Variants in EBF2 observed in about 807,000 individuals in gnomAD.
The protein encoded by EBF2 is EBF transcription factor 2.
Under a neutral mutation model 72.8 loss-of-function variants are expected in EBF2, and 21 were observed. That is an observed-to-expected ratio of 0.29 (90% CI 0.20 to 0.42). EBF2 has a LOEUF of 0.42. Ranked by LOEUF, EBF2 falls within the 10% of genes least tolerant of loss-of-function variation. The pLI is 1.00. For missense variants in EBF2, 637 were observed against 731.2 expected, an observed-to-expected ratio of 0.87 and a Z score of 1.49; for synonymous variants, 299 against 274.2, an observed-to-expected ratio of 1.09 and a Z score of -0.89.
intron 6 of EBF2, among the ~76,000 whole-genome samples, chr8:25,985,529 G>A (rs916998387): frequency 9.9e-5 from 15 of 152,092 alleles, no homozygotes; most frequent in African/African-American, 2.2e-4. Flanking sequence ...TGTGGCCTTC[G>A]GTAAGTCACT....
intron 7 of EBF2, among the ~76,000 whole-genome samples, chr8:25,892,513 G>C (rs1802802196): frequency 6.6e-6 from 1 of 152,142 alleles, no homozygotes; most frequent in African/African-American, 2.4e-5. Context: ...AAGTCATCTT[G>C]TGTTCCCTCC....
At chr8:25,993,542 C>A (rs1360299358) in intron 6 of EBF2, among the ~76,000 whole-genome samples, 1 of 152,164 alleles carries the variant, frequency 6.6e-6, no homozygotes, top group East Asian at 1.9e-4. Flanking sequence ...CTTTTTATGT[C>A]TTTGTAAGAG....
At chr8:25,865,442 T>C (rs900905924) in intron 10 of EBF2, among the ~76,000 whole-genome samples, 2 of 152,222 alleles carry the variant, frequency 1.3e-5, no homozygotes, top group African/African-American at 4.8e-5. Context: ...ATGAAGACAA[T>C]CAGCTTTAGA....
At chr8:25,879,482 T>C (rs1802570973) in intron 10 of EBF2, among the ~76,000 whole-genome samples, 1 of 152,164 alleles carries the variant, frequency 6.6e-6, no homozygotes, top group South Asian at 2.1e-4. Context: ...ATTCCTGCAG[T>C]AGTATCTTAG....
intron 10 of EBF2, among the ~76,000 whole-genome samples, chr8:25,866,630 TA>T (rs1563381494): frequency 0.01 from 1,057 of 103,540 alleles, 7 homozygotes; most frequent in African/African-American, 0.035. Context: ...TATATATATA[TA>T]TATATTTTTT....
In EBF2 at chr8:25,906,706, G is replaced by T. The variant is rs779767437; in HGVS notation, c.633+1768C>A. On this transcript the variant is annotated intron_variant, in intron 7 of 15. Transcript: ENST00000520164. ...TGCTTGAACCCAGGAGGAGGAGGTTGCAGTGAGCCAAGATCATACCATTGC... is the reference window on the plus strand; with the variant it reads ...TGCTTGAACCCAGGAGGAGGAGGTTTCAGTGAGCCAAGATCATACCATTGC... Among the ~76,000 whole-genome samples the T allele has an allele frequency of 2.3e-4, 35 of 152,124 alleles. 1 individual carries two copies. Among genetic ancestry groups the T allele is most frequent in the Non-Finnish European group, 4.7e-4 (32 of 68,034 alleles).
intron 6 of EBF2, among the ~76,000 whole-genome samples, chr8:25,938,202 A>G (rs1361030310): frequency 6.6e-6 from 1 of 152,112 alleles, no homozygotes; most frequent in Non-Finnish European, 1.5e-5. Context: ...GGCCAGATGG[A>G]AACTCACAGC....
intron 6 of EBF2, among the ~76,000 whole-genome samples, chr8:26,008,829 T>A (rs1804926719): frequency 2.0e-5 from 2 of 100,436 alleles, no homozygotes; most frequent in South Asian, 3.9e-4. Context: ...TACCCCTATT[T>A]ATCAACCTCT....
At chr8:25,937,051 G>T (rs571943782) in intron 6 of EBF2, among the ~76,000 whole-genome samples, 1 of 152,136 alleles carries the variant, frequency 6.6e-6, no homozygotes, top group African/African-American at 2.4e-5. Flanking sequence ...AACTAGCAAA[G>T]GTTAATTAGA....
chr8:25,940,431 T>G (rs1803650022), intron 6 of EBF2, among the ~76,000 whole-genome samples: 1 of 152,102 alleles, frequency 6.6e-6, no homozygotes, highest in African/African-American at 2.4e-5. Flanking sequence ...TGCAGGAGAC[T>G]TGTTCCTTTG....
intron 6 of EBF2, among the ~76,000 whole-genome samples, chr8:25,950,328 T>G (rs1246224643): frequency 6.6e-6 from 1 of 152,256 alleles, no homozygotes; most frequent in Non-Finnish European, 1.5e-5. Context: ...TACACACTTT[T>G]ATTAAAAGTA....
At chr8:25,943,846 G>A (rs1466592147) in intron 6 of EBF2, among the ~76,000 whole-genome samples, 1 of 151,906 alleles carries the variant, frequency 6.6e-6, no homozygotes, top group East Asian at 1.9e-4. Context: ...CATTTTTTTT[G>A]TTGGAAATAC....
At chr8:25,860,014 G>A (rs1172347912) in intron 13 of EBF2, among the ~76,000 whole-genome samples, 1 of 151,438 alleles carries the variant, frequency 6.6e-6, no homozygotes, top group Admixed American at 6.6e-5. Context: ...ACCACACCCG[G>A]CTCACCTACT....
At chr8:25,918,529 A>G (rs1329195237) in intron 6 of EBF2, among the ~76,000 whole-genome samples, 3 of 152,232 alleles carry the variant, frequency 2.0e-5, no homozygotes, top group African/African-American at 7.2e-5. Flanking sequence ...CTGAATTATA[A>G]TTAGACTAAT....
chr8:25,911,362 A>G (rs1030510635), intron 6 of EBF2, among the ~76,000 whole-genome samples: 1 of 152,228 alleles, frequency 6.6e-6, no homozygotes, highest in Non-Finnish European at 1.5e-5. Context: ...TTCTGATCCC[A>G]TTCCTTAAGA....
At chr8:26,029,404 G>A (rs567494433) in intron 6 of EBF2, among the ~76,000 whole-genome samples, 5 of 152,246 alleles carry the variant, frequency 3.3e-5, no homozygotes, top group South Asian at 2.1e-4. Flanking sequence ...TTTGTTATAC[G>A]TTTTTGATTA....
rs757515027 is a variant in EBF2, at chr8:25,888,024, C to A, written c.752-52G>T. 3.9e-6 allele frequency: 6 copies of A among 1,537,404 alleles called. No homozygotes were observed. The South Asian group carries it at 7.6e-5, about 19-fold the overall frequency. ...GGTTTGTTCTTTCATGGGTGTCCAA[C>A]TTTTTGGCTTCCCAGGCCCACATTG... On this transcript the variant is annotated intron_variant, in intron 8 of 15. Transcript: ENST00000520164.
At position 25,927,147 on chromosome 8, in the gene EBF2, C is replaced by A. The variant is rs900387628; in HGVS notation, c.552-18592G>T. 1.2e-4 allele frequency among the ~76,000 whole-genome samples: 18 copies of A among 151,950 alleles called. No homozygotes were observed. In the South Asian group the frequency reaches 3.5e-3, roughly 30 times the overall value. ...TCCAATCAGTTGAAGGCCTCAATGG[C>A]AAAAACTGAAGTTTCCTGGAGAAAA... On this transcript the variant is annotated intron_variant, in intron 6 of 15. Coordinates refer to ENST00000520164, the MANE Select transcript of EBF2 (RefSeq NM_022659.4).
At chr8:26,006,532 T>C (rs1410072634) in intron 6 of EBF2, among the ~76,000 whole-genome samples, 1 of 152,232 alleles carries the variant, frequency 6.6e-6, no homozygotes, top group African/African-American at 2.4e-5. Context: ...TAATTTTCTG[T>C]GGCATTATTC....
Sources: allele counts gnomAD v4.1 joint callset (sites outside exome capture counted in the v4.1 genomes callset), GRCh38; gene constraint gnomAD v4.1.1; transcripts MANE v1.5; gene names NCBI Gene and HGNC (gene_info 2026-07-23, HGNC 2026-07-21).